Variants in SETD7 observed in about 807,000 individuals in gnomAD.
SETD7 encodes the protein histone-lysine N-methyltransferase SETD7.
A neutral mutation model predicts 41.8 loss-of-function variants in SETD7; 16 were observed. That is an observed-to-expected ratio of 0.38 (90% CI 0.26 to 0.58). The LOEUF (loss-of-function observed/expected upper bound fraction) is 0.58. Ranked by LOEUF, SETD7 falls within the 20% of genes least tolerant of loss-of-function variation. The pLI is 0.64. For synonymous variants in SETD7, 163 were observed against 169.7 expected, an observed-to-expected ratio of 0.96 and a Z score of 0.31; for missense variants, 346 against 459.7, an observed-to-expected ratio of 0.75 and a Z score of 2.26.
chr4:139,537,546 A>T (rs375197601), intron 2 of SETD7, among the ~76,000 whole-genome samples: 3 of 152,208 alleles, frequency 2.0e-5, no homozygotes, highest in East Asian at 3.8e-4. Flanking sequence ...GAGCCTAGGC[A>T]TGTACTATTA....
downstream of SETD7, among the ~76,000 whole-genome samples, chr4:139,505,779 C>T (rs1344258434): frequency 6.6e-6 from 1 of 152,120 alleles, no homozygotes; most frequent in Admixed American, 6.6e-5. Flanking sequence ...ATTTGCATTC[C>T]ATACCCTTAC....
chr4:139,497,738 G>A lies in SETD7; in HGVS notation c.921-1217C>T, dbSNP rs544041236. Among the ~76,000 whole-genome samples, 89 of 151,638 alleles carry A rather than the reference G, an allele frequency of 5.9e-4. No homozygotes were observed. In the South Asian group the frequency reaches 8.3e-3, roughly 14 times the overall value. ...CTGAGTAGCTGGGATTACAGGCGGCGCCTGCCACTACGCCCGGCTAATTTT... is the reference window on the plus strand; with the variant it reads ...CTGAGTAGCTGGGATTACAGGCGGCACCTGCCACTACGCCCGGCTAATTTT... On this transcript the variant is annotated intron_variant, in intron 7 of 7. Coordinates refer to the SETD7 transcript ENST00000506866.
intron 2 of SETD7, among the ~76,000 whole-genome samples, chr4:139,543,457 G>A (rs1320704383): frequency 6.6e-6 from 1 of 152,154 alleles, no homozygotes; most frequent in Non-Finnish European, 1.5e-5. Flanking sequence ...TTAAGAAGAT[G>A]AGGACGACCT....
intron 3 of SETD7, among the ~76,000 whole-genome samples, chr4:139,531,588 G>A (rs1337609046): frequency 6.6e-6 from 1 of 152,110 alleles, no homozygotes; most frequent in Non-Finnish European, 1.5e-5. Context: ...GATCTATCAC[G>A]GATCCTACCA....
At chr4:139,536,491 C>T (rs541621278) in intron 2 of SETD7, among the ~76,000 whole-genome samples, 10 of 152,026 alleles carry the variant, frequency 6.6e-5, no homozygotes, top group Non-Finnish European at 1.3e-4. Context: ...GTAGGTGGAT[C>T]GCTTGAGGCC....
chr4:139,519,064 T>C (rs1727109949), intron 6 of SETD7, among the ~76,000 whole-genome samples: 1 of 152,324 alleles, frequency 6.6e-6, no homozygotes, highest in East Asian at 1.9e-4. Flanking sequence ...GGCACTCTTC[T>C]AGGTGCAGGG....
chr4:139,552,337 G>T (rs147234823), intron 1 of SETD7, among the ~76,000 whole-genome samples: 50 of 152,258 alleles, frequency 3.3e-4, no homozygotes, highest in Admixed American at 1.7e-3. Context: ...CCCTTGTTCT[G>T]ATATTTCCCC....
At position 139,510,715 on chromosome 4, in the gene SETD7, CTA is replaced by C. The variant is rs1381280850; in HGVS notation, c.*946_*947del. ...GCACTGTGCCACAAGCCTGACCGCG[CTA>C]TGTTATGTACATTTAATGTGTACTC... is the stretch of plus-strand genomic sequence containing the variant. On this transcript the variant is annotated 3_prime_UTR_variant, in exon 8 of 8. Coordinates refer to ENST00000274031, the MANE Select transcript of SETD7 (RefSeq NM_030648.4). 1.3e-5 allele frequency: 2 copies of C among 152,352 alleles called. No homozygotes were observed. Among genetic ancestry groups the C allele is most frequent in the Non-Finnish European group, 2.9e-5 (2 of 68,026 alleles). 9.4% of individuals were successfully genotyped at this position (152,352 alleles called of 1,614,324 possible).
exon 8 of SETD7, chr4:139,496,219 C>A: frequency 2.0e-6 from 1 of 503,512 alleles, no homozygotes; most frequent in South Asian, 3.3e-5. Flanking sequence ...TTCTCTGGCA[C>A]AACTTATTAG....
intron 3 of SETD7, chr4:139,532,682 A>T (rs1045353913): frequency 1.2e-5 from 2 of 167,352 alleles, no homozygotes; most frequent in African/African-American, 4.8e-5. Flanking sequence ...AAACAATATA[A>T]ACCATAAAAT....
At chr4:139,532,016 C>A (rs1727493631) in intron 3 of SETD7, among the ~76,000 whole-genome samples, 3 of 152,116 alleles carry the variant, frequency 2.0e-5, no homozygotes, top group Non-Finnish European at 4.4e-5. Flanking sequence ...ATCACTTGAA[C>A]CCACGAGGCA....
At chr4:139,529,980 A>ATTT (rs1038365012) in intron 3 of SETD7, among the ~76,000 whole-genome samples, 2 of 152,130 alleles carry the variant, frequency 1.3e-5, no homozygotes, top group African/African-American at 4.8e-5. Context: ...TAACTCTTCC[A>ATTT]TTTACTTCAT....
intron 7 of SETD7, among the ~76,000 whole-genome samples, chr4:139,517,447 C>T (rs1461543112): frequency 7.0e-6 from 1 of 141,890 alleles, no homozygotes; most frequent in African/African-American, 2.8e-5. Context: ...TGCACTCCAG[C>T]CTGGGCATCA....
chr4:139,516,465 C>CAAAAAAAA (rs66848307), intron 7 of SETD7, among the ~76,000 whole-genome samples: 1 of 93,088 alleles, frequency 1.1e-5, no homozygotes, highest in Non-Finnish European at 2.1e-5. Context: ...GACTCTGTCT[C>CAAAAAAAA]AAAAAAAAAA....
chr4:139,507,642 T>C lies in SETD7; in HGVS notation c.*4021A>G, dbSNP rs892826092. 5.9e-5 allele frequency: 9 copies of C among 152,654 alleles called. No individual in the cohort carries two copies. Among genetic ancestry groups the C allele is most frequent in the Non-Finnish European group, 1.0e-4 (7 of 68,030 alleles). The allele number at this position is 152,654 out of a possible 1,614,324, so 9.5% of individuals were successfully genotyped here. A position where few individuals can be genotyped will look rare whatever the true frequency, so the allele number is the denominator to read the frequency against. ...AAGGGTTCCCACCCCTGTGGTTGTATGGCTTGAAATAGTTTCATTGCTTTG... is the reference window on the plus strand; with the variant it reads ...AAGGGTTCCCACCCCTGTGGTTGTACGGCTTGAAATAGTTTCATTGCTTTG... On this transcript the variant is annotated 3_prime_UTR_variant, in exon 8 of 8. Coordinates refer to ENST00000274031, the MANE Select transcript of SETD7 (RefSeq NM_030648.4).
chr4:139,516,642 C>T (rs1727034517), intron 7 of SETD7, among the ~76,000 whole-genome samples: 1 of 151,846 alleles, frequency 6.6e-6, no homozygotes, highest in South Asian at 2.1e-4. Context: ...GAAGAGAAGG[C>T]TCAAACTCTA....
downstream of SETD7, among the ~76,000 whole-genome samples, chr4:139,503,455 T>C (rs771254934): frequency 2.6e-5 from 4 of 152,118 alleles, no homozygotes; most frequent in Non-Finnish European, 5.9e-5. Flanking sequence ...TCTGCGACCA[T>C]GTGCCTTAAC....
intron 7 of SETD7, among the ~76,000 whole-genome samples, chr4:139,513,010 T>C (rs1726924615): frequency 6.6e-6 from 1 of 152,026 alleles, no homozygotes; most frequent in Non-Finnish European, 1.5e-5. Context: ...TGGCCCACCT[T>C]GGCCTTCTAA....
intron 3 of SETD7, 36 bp from the exon 4 acceptor site, chr4:139,529,256 TATAG>T (rs779873664): frequency 7.1e-6 from 11 of 1,555,126 alleles, no homozygotes; most frequent in Non-Finnish European, 9.6e-6. Context: ...AAATATTATA[TATAG>T]TATGTCTAGG....
Sources: gnomAD v4.1 joint callset for allele counts (sites outside exome capture counted in the v4.1 genomes callset) on GRCh38, gnomAD v4.1.1 for gene constraint, MANE v1.5 for transcripts, NCBI Gene and HGNC (gene_info 2026-07-23, HGNC 2026-07-21) for gene names.